PARD3B: variants seen among roughly 807,000 people sequenced by gnomAD.
The protein encoded by PARD3B is par-3 family cell polarity regulator beta, also known as partitioning defective 3 homolog B.
PARD3B carries 103 observed loss-of-function variants against 130.2 expected under a neutral mutation model. That is an observed-to-expected ratio of 0.79 (90% CI 0.67 to 0.93). The LOEUF (loss-of-function observed/expected upper bound fraction) is 0.93, where lower values mean the gene tolerates loss of function less well. PARD3B is among the 40% of genes least tolerant of loss of function. The probability of loss-of-function intolerance (pLI) is 0.00; values close to 1 mark genes in which losing one functional copy is unlikely to be tolerated. For missense variants in PARD3B, 1,609 were observed against 1,499.2 expected (o/e 1.07, Z -1.21); for synonymous variants, 583 against 553.2 (o/e 1.05, Z -0.76).
At chr2:204,927,260 T>C (rs1687689808) in intron 2 of PARD3B, among the ~76,000 whole-genome samples, 1 of 152,046 alleles carries the variant, frequency 6.6e-6, no homozygotes, top group African/African-American at 2.4e-5. Context: ...TATTAAGAGG[T>C]AGGGCCTGGG....
intron 2 of PARD3B, among the ~76,000 whole-genome samples, chr2:204,926,151 A>C (rs1053002396): frequency 5.3e-5 from 8 of 152,194 alleles, no homozygotes; most frequent in African/African-American, 1.9e-4. Flanking sequence ...TTTGGTAGTG[A>C]GCACTAGGCA....
chr2:204,951,746 A>C (rs1250312048), intron 2 of PARD3B, among the ~76,000 whole-genome samples: 3 of 152,208 alleles, frequency 2.0e-5, no homozygotes, highest in African/African-American at 7.2e-5. Flanking sequence ...TTTTGGTAGG[A>C]TAGAGAAATG....
intron 21 of PARD3B, among the ~76,000 whole-genome samples, chr2:205,531,754 T>C (rs1310364195): frequency 6.6e-6 from 1 of 151,986 alleles, no homozygotes; most frequent in African/African-American, 2.4e-5. Context: ...AGGGAGGAGA[T>C]TAGGGAACAT....
intron 2 of PARD3B, among the ~76,000 whole-genome samples, chr2:204,853,499 C>G (rs2044792418): frequency 6.6e-6 from 1 of 152,236 alleles, no homozygotes; most frequent in African/African-American, 2.4e-5. Context: ...TTCAGTTCTC[C>G]ACTTTCATTA....
rs1044810023 is a variant in PARD3B, at chr2:204,610,798, C to A, written c.120+64679C>A. On this transcript the variant is annotated intron_variant, in intron 1 of 22. Transcript: ENST00000406610. This position sits in a 1 kb window ranked among gnomAD's most constrained non-coding sequence, Gnocchi z 4.1. ...AAATACATGGCCAGTGGTTCCAATC[C>A]ATGTTACAGCTGTCCAACAATTGGA... Among the ~76,000 whole-genome samples, 10 of 152,196 alleles carry A rather than the reference C, an allele frequency of 6.6e-5. No homozygotes were observed. Among genetic ancestry groups the A allele is most frequent in the African/African-American group, 2.4e-4 (10 of 41,454 alleles).
chr2:204,935,518 G>T (rs965156267), intron 2 of PARD3B, among the ~76,000 whole-genome samples: 130 of 151,810 alleles, frequency 8.6e-4, no homozygotes, highest in African/African-American at 3.1e-3. Context: ...CAGCCTGAGT[G>T]ACAGAGCAAG....
At chr2:204,832,457 T>G (rs910704744) in intron 2 of PARD3B, among the ~76,000 whole-genome samples, 2 of 152,220 alleles carry the variant, frequency 1.3e-5, no homozygotes, top group Admixed American at 6.5e-5. Flanking sequence ...CTTCTCGGTC[T>G]GTAGCATGTT....
chr2:205,018,262 C>A (rs879557058), intron 3 of PARD3B, among the ~76,000 whole-genome samples: 7 of 152,100 alleles, frequency 4.6e-5, no homozygotes, highest in Non-Finnish European at 7.4e-5. Flanking sequence ...GGCATTCACA[C>A]CCTGGTGTAA....
chr2:204,648,188 C>T (rs2035338567), intron 1 of PARD3B, among the ~76,000 whole-genome samples: 1 of 151,462 alleles, frequency 6.6e-6, no homozygotes, highest in Non-Finnish European at 1.5e-5. Flanking sequence ...TAAATAGGTA[C>T]TTAATACATT....
intron 22 of PARD3B, among the ~76,000 whole-genome samples, chr2:205,565,772 A>G (rs1369880516): frequency 6.6e-6 from 1 of 152,202 alleles, no homozygotes; most frequent in African/African-American, 2.4e-5. Flanking sequence ...TACTAAGTGC[A>G]ATACACTCTG....
intron 18 of PARD3B, among the ~76,000 whole-genome samples, chr2:205,332,914 A>T (rs2043188343): frequency 6.6e-6 from 1 of 152,224 alleles, no homozygotes; most frequent in South Asian, 2.1e-4. Context: ...GGCTTGAATT[A>T]GTGAGGTTAG....
chr2:205,251,064 A>G (rs11682188), intron 16 of PARD3B, among the ~76,000 whole-genome samples: 22,945 of 152,220 alleles, frequency 0.15, 1,905 homozygotes, highest in African/African-American at 0.21. Flanking sequence ...CACATGCCTT[A>G]TGAAAGACAC....
chr2:205,367,426 G>T (rs982468416), intron 18 of PARD3B, among the ~76,000 whole-genome samples: 1 of 152,092 alleles, frequency 6.6e-6, no homozygotes, highest in Admixed American at 6.5e-5. Flanking sequence ...ATAAAAGAAA[G>T]AATTTCCTGA....
At chr2:205,170,671 C>T (rs1011822926) in intron 11 of PARD3B, among the ~76,000 whole-genome samples, 2 of 152,200 alleles carry the variant, frequency 1.3e-5, no homozygotes, top group Non-Finnish European at 2.9e-5. Flanking sequence ...CTTCCTCGGG[C>T]CATCTGCTAC....
At chr2:204,736,976 T>C (rs1290792483) in intron 2 of PARD3B, among the ~76,000 whole-genome samples, 2 of 152,206 alleles carry the variant, frequency 1.3e-5, no homozygotes, top group African/African-American at 4.8e-5. Context: ...AGATGGAGTT[T>C]TGCCCTTGTT....
chr2:205,079,101 T>C (rs143923749), intron 4 of PARD3B, among the ~76,000 whole-genome samples: 2 of 152,348 alleles, frequency 1.3e-5, no homozygotes, highest in African/African-American at 4.8e-5. Flanking sequence ...AGAATACATA[T>C]TGCTTTATAC....
intron 22 of PARD3B, among the ~76,000 whole-genome samples, chr2:205,567,473 C>T (rs2053393757): frequency 1.2e-5 from 1 of 82,832 alleles, no homozygotes; most frequent in African/African-American, 4.3e-5. Context: ...TGCCACCATG[C>T]CCGGTTAATT....
intron 1 of PARD3B, among the ~76,000 whole-genome samples, chr2:204,641,649 G>A (rs983170354): frequency 6.6e-6 from 1 of 152,100 alleles, no homozygotes; most frequent in African/African-American, 2.4e-5. Flanking sequence ...GACACACCAT[G>A]GTTGTAATTC....
rs2055458295 is a variant in PARD3B at position 205,616,985 on chromosome 2, T to C, written c.*1172T>C. On this transcript the variant is annotated 3_prime_UTR_variant, in exon 23 of 23. Transcript: ENST00000406610. ...TGGAGAATGAAAGATTAATAATGCT[T>C]TCTGGAGAGTTTGATGCAAAAGTGG... 1 of 154,350 alleles carries C rather than the reference T, an allele frequency of 6.5e-6. No homozygotes were observed. Among genetic ancestry groups the C allele is most frequent in the Non-Finnish European group, 1.5e-5 (1 of 68,240 alleles). The allele number at this position is 154,350 out of a possible 1,614,324, so 9.6% of individuals were successfully genotyped here. A position where few individuals can be genotyped will look rare whatever the true frequency, so the allele number is the denominator to read the frequency against.
Sources: allele counts gnomAD v4.1 joint callset (sites outside exome capture counted in the v4.1 genomes callset), GRCh38; gene constraint gnomAD v4.1.1; non-coding constraint Gnocchi (gnomAD v3.1); transcripts MANE v1.5; gene names NCBI Gene and HGNC (gene_info 2026-07-23, HGNC 2026-07-21).